Variants in PDE1A observed in about 807,000 individuals in gnomAD.
The protein encoded by PDE1A is phosphodiesterase 1A.
Under a neutral mutation model 61.7 loss-of-function variants are expected in PDE1A, and 35 were observed. The ratio of observed to expected loss-of-function variants is 0.57; its 90% confidence interval spans 0.43 to 0.75. The LOEUF (loss-of-function observed/expected upper bound fraction) is 0.75. Among genes scored for constraint, PDE1A ranks in the 30% least tolerant of loss-of-function variants. PDE1A has a pLI of 0.00. For synonymous variants in PDE1A, 232 were observed against 213.2 expected (o/e 1.09, Z -0.77); for missense variants, 597 against 630.6 (o/e 0.95, Z 0.57).
At position 182,496,836 on chromosome 2, in the gene PDE1A, T is replaced by C. The variant is rs554444391; in HGVS notation, c.101+25440A>G. On this transcript the variant is annotated intron_variant, in intron 2 of 14. Coordinates refer to the PDE1A transcript ENST00000410103. ...CTAAGCTTTTAACTTGCTAATCCAG[T>C]AGTGGCCCTGACTTCCGGCTCCTAT... 3.9e-5 allele frequency among the ~76,000 whole-genome samples: 6 copies of C among 152,334 alleles called. No homozygotes were observed. The South Asian group carries it at 1.2e-3, about 32-fold the overall frequency.
chr2:182,607,245 A>G, the PDE1A span, among the ~76,000 whole-genome samples: 1 of 152,156 alleles, frequency 6.6e-6, no homozygotes, highest in African/African-American at 2.4e-5. Flanking sequence ...CAACTCACAT[A>G]AGATAATTGT....
chr2:182,701,181 C>T, the PDE1A span, among the ~76,000 whole-genome samples: 2 of 135,174 alleles, frequency 1.5e-5, no homozygotes, highest in Admixed American at 7.7e-5. Flanking sequence ...ACTACAGTCG[C>T]CTGCCACCAC....
the PDE1A span, among the ~76,000 whole-genome samples, chr2:182,706,949 C>G: frequency 9.9e-5 from 15 of 152,214 alleles, no homozygotes; most frequent in Non-Finnish European, 1.9e-4. Context: ...CAGTAATGGT[C>G]AGGCACTGTT....
At chr2:182,248,292 G>T (rs1172227047) in intron 2 of PDE1A, among the ~76,000 whole-genome samples, 1 of 151,582 alleles carries the variant, frequency 6.6e-6, no homozygotes, top group Non-Finnish European at 1.5e-5. Flanking sequence ...CTTAAAACGT[G>T]CTATACAGAA....
chr2:182,589,213 GA>G, the PDE1A span, among the ~76,000 whole-genome samples: 1 of 137,918 alleles, frequency 7.3e-6, no homozygotes, highest in South Asian at 2.4e-4. Context: ...AAGAGGGAAA[GA>G]AAGAGAAAGA....
chr2:182,216,051 CA>C (rs1688153271), intron 7 of PDE1A, among the ~76,000 whole-genome samples: 1 of 73,666 alleles, frequency 1.4e-5, no homozygotes, highest in African/African-American at 5.1e-5. Flanking sequence ...AGCAGCACAT[CA>C]AAAAGCTTAT....
At chr2:182,631,243 A>C in the PDE1A span, among the ~76,000 whole-genome samples, 1 of 152,002 alleles carries the variant, frequency 6.6e-6, no homozygotes, top group East Asian at 1.9e-4. Context: ...TAGTTCAAGC[A>C]TTCAGGCAAA....
intron 2 of PDE1A, among the ~76,000 whole-genome samples, chr2:182,451,856 C>T (rs1186727785): frequency 2.6e-5 from 4 of 152,100 alleles, no homozygotes. Context: ...GCACTGCTTT[C>T]CTCCAAGCAC....
the PDE1A span, among the ~76,000 whole-genome samples, chr2:182,714,195 A>T: frequency 2.0e-5 from 3 of 152,242 alleles, no homozygotes; most frequent in African/African-American, 7.2e-5. Context: ...ATAACAGTAA[A>T]TAAAATGAAC....
At chr2:182,203,189 G>A (rs780106374) in intron 8 of PDE1A, among the ~76,000 whole-genome samples, 8 of 151,960 alleles carry the variant, frequency 5.3e-5, no homozygotes, top group Non-Finnish European at 1.0e-4. Context: ...CCCTGGTGGC[G>A]GGCACCTGTA....
At chr2:182,153,456 A>T (rs530008472) in intron 13 of PDE1A, among the ~76,000 whole-genome samples, 1 of 152,346 alleles carries the variant, frequency 6.6e-6, no homozygotes, top group East Asian at 1.9e-4. Flanking sequence ...CCACTGGTTG[A>T]AGCAATTATT....
intron 2 of PDE1A, among the ~76,000 whole-genome samples, chr2:182,436,846 TG>T (rs988252279): frequency 6.6e-6 from 1 of 152,076 alleles, no homozygotes; most frequent in Non-Finnish European, 1.5e-5. Flanking sequence ...CCAGTCTTTC[TG>T]ATGCTGACCT....
chr2:182,670,043 G>A, the PDE1A span, among the ~76,000 whole-genome samples: 1 of 152,182 alleles, frequency 6.6e-6, no homozygotes, highest in Non-Finnish European at 1.5e-5. Flanking sequence ...CTGTTTGCAA[G>A]CAGTTTTGGT....
chr2:182,378,912 G>T (rs1158741833), intron 1 of PDE1A, among the ~76,000 whole-genome samples: 15 of 152,006 alleles, frequency 9.9e-5, no homozygotes, highest in African/African-American at 3.4e-4. Flanking sequence ...TTTTAACATA[G>T]CTTTATCTGT....
chr2:182,540,222 G>A, the PDE1A span, among the ~76,000 whole-genome samples: 2 of 151,926 alleles, frequency 1.3e-5, no homozygotes, highest in East Asian at 3.9e-4. Flanking sequence ...AAATTAGCTG[G>A]GCATGGTGGT....
At chr2:182,323,221 C>A (rs1028309843) in intron 1 of PDE1A, among the ~76,000 whole-genome samples, 1 of 151,962 alleles carries the variant, frequency 6.6e-6, no homozygotes, top group African/African-American at 2.4e-5. Flanking sequence ...AAAAACATAC[C>A]CGGTTTATCT....
intron 1 of PDE1A, among the ~76,000 whole-genome samples, chr2:182,280,464 T>A (rs1693726727): frequency 6.6e-6 from 1 of 152,060 alleles, no homozygotes; most frequent in Non-Finnish European, 1.5e-5. Context: ...AAAGTGTGTA[T>A]GTGACATAAA....
intron 3 of PDE1A, among the ~76,000 whole-genome samples, chr2:182,235,164 G>A (rs566752951): frequency 2.6e-5 from 4 of 152,136 alleles, no homozygotes; most frequent in African/African-American, 9.6e-5. Flanking sequence ...TTCTTTTTGA[G>A]ACAGAGTCTC....
At chr2:182,496,078 GAAT>G in intron 2 of PDE1A, among the ~76,000 whole-genome samples, 1 of 152,104 alleles carries the variant, frequency 6.6e-6, no homozygotes, top group East Asian at 1.9e-4. Flanking sequence ...CAATTAATAG[GAAT>G]TTGTTTTATC....
Sources: gnomAD v4.1 joint callset for allele counts (sites outside exome capture counted in the v4.1 genomes callset) on GRCh38, gnomAD v4.1.1 for gene constraint, MANE v1.5 for transcripts, NCBI Gene and HGNC (gene_info 2026-07-23, HGNC 2026-07-21) for gene names.